ARGFX: variants seen among roughly 807,000 people sequenced by gnomAD.
ARGFX encodes arginine-fifty homeobox.
Under a neutral mutation model 8.0 loss-of-function variants are expected in ARGFX, and 10 were observed. The observed-to-expected ratio is 1.25, with a 90% CI of 0.77 to 2.12. The LOEUF is 2.12. Ranked by LOEUF, ARGFX falls within the 30% of genes most tolerant of loss-of-function variation. The probability of loss-of-function intolerance (pLI) is 0.00; values close to 1 mark genes in which losing one functional copy is unlikely to be tolerated. For synonymous variants in ARGFX, 116 were observed against 117.8 expected, an observed-to-expected ratio of 0.98 and a Z score of 0.10; for missense variants, 282 against 324.3, an observed-to-expected ratio of 0.87 and a Z score of 1.00.
intron 3 of ARGFX, among the ~76,000 whole-genome samples, chr3:121,577,315 G>T (rs567236404): frequency 7.2e-6 from 1 of 139,152 alleles, no homozygotes; most frequent in East Asian, 2.1e-4. Context: ...GTGCAGTGGC[G>T]TGGTCTTGGC....
At chr3:121,571,532 G>A (rs1340017033) in intron 2 of ARGFX, among the ~76,000 whole-genome samples, 1 of 150,748 alleles carries the variant, frequency 6.6e-6, no homozygotes, top group Non-Finnish European at 1.5e-5. Flanking sequence ...AACACTCCAT[G>A]TGCATAAATG....
At chr3:121,572,328 G>A (rs949945200) in intron 2 of ARGFX, among the ~76,000 whole-genome samples, 8 of 144,736 alleles carry the variant, frequency 5.5e-5, no homozygotes, top group African/African-American at 2.1e-4. Context: ...TGCAACCTAC[G>A]CCTCCCAGGA....
rs546174245 is a variant in ARGFX at position 121,570,656 on chromosome 3, T to A, written c.-12-46T>A. ...CTTGAAAACATTGCTATCCAGCGAA[T>A]GAATTCCTCATCAGCATTCCCTATC... On this transcript the variant is annotated intron_variant, in intron 1 of 4. Coordinates refer to ENST00000334384, the MANE Select transcript of ARGFX (RefSeq NM_001012659.2). The A allele has an allele frequency of 1.2e-5, 16 of 1,320,194 alleles. No homozygotes were observed. The East Asian group carries it at 4.0e-4, about 33-fold the overall frequency. 81.8% of individuals were successfully genotyped at this position (1,320,194 alleles called of 1,614,324 possible).
At chr3:121,574,853 G>T (rs2048727448) in intron 2 of ARGFX, among the ~76,000 whole-genome samples, 1 of 152,288 alleles carries the variant, frequency 6.6e-6, no homozygotes, top group East Asian at 1.9e-4. Flanking sequence ...AAAATCCCCA[G>T]CAGAATGGTA....
intron 1 of ARGFX, among the ~76,000 whole-genome samples, chr3:121,568,372 C>T (rs2108832753): frequency 6.6e-6 from 1 of 152,314 alleles, no homozygotes; most frequent in East Asian, 1.9e-4. Context: ...ATCCACAGAC[C>T]TATGTAAGTG....
chr3:121,572,272 G>A (rs2048713944), intron 2 of ARGFX, among the ~76,000 whole-genome samples: 2 of 128,648 alleles, frequency 1.6e-5, no homozygotes, highest in South Asian at 2.4e-4. Flanking sequence ...ACGGAGTTTC[G>A]CTCTTGTTGC....
intron 4 of ARGFX, among the ~76,000 whole-genome samples, chr3:121,585,588 C>CGG (rs1187857244): frequency 6.6e-6 from 1 of 152,102 alleles, no homozygotes; most frequent in African/African-American, 2.4e-5. Flanking sequence ...GATCCTCTCA[C>CGG]CTCAGACTCT....
chr3:121,584,204 G>GAGGAAGGA (rs749567796), intron 3 of ARGFX, among the ~76,000 whole-genome samples: 3,807 of 103,998 alleles, frequency 0.037, 129 homozygotes, highest in East Asian at 0.11. Flanking sequence ...GACAGAGAGA[G>GAGGAAGGA]AGGAAGGAAG....
At chr3:121,577,236 T>TATATATATATCTACATGTAC (rs2048744642) in intron 3 of ARGFX, among the ~76,000 whole-genome samples, 2 of 61,028 alleles carry the variant, frequency 3.3e-5, no homozygotes, top group Non-Finnish European at 6.1e-5. Context: ...CATATATATA[T>TATATATATATCTACATGTAC]ATATATATAT....
chr3:121,582,798 T>C (rs2048787438), intron 3 of ARGFX, among the ~76,000 whole-genome samples: 1 of 152,060 alleles, frequency 6.6e-6, no homozygotes, highest in Non-Finnish European at 1.5e-5. Flanking sequence ...CTTGATCTCC[T>C]GGGTTAAAGT....
intron 3 of ARGFX, among the ~76,000 whole-genome samples, chr3:121,579,945 C>CT (rs1174620508): frequency 0.067 from 6,092 of 90,592 alleles, 751 homozygotes; most frequent in South Asian, 0.1. Flanking sequence ...CTTTTCTTTT[C>CT]TTTTTTTTTT....
chr3:121,581,058 C>T (rs565713453), intron 3 of ARGFX, among the ~76,000 whole-genome samples: 1 of 152,102 alleles, frequency 6.6e-6, no homozygotes, highest in Non-Finnish European at 1.5e-5. Context: ...TCACTGCAAC[C>T]TCTGCCTCCC....
At chr3:121,572,344 C>T (rs574351627) in intron 2 of ARGFX, among the ~76,000 whole-genome samples, 11 of 150,058 alleles carry the variant, frequency 7.3e-5, no homozygotes, top group Non-Finnish European at 1.0e-4. Context: ...CAGGATCAAG[C>T]GATTCTCCTG....
intron 2 of ARGFX, among the ~76,000 whole-genome samples, chr3:121,576,223 G>C (rs1195282170): frequency 6.6e-6 from 1 of 151,864 alleles, no homozygotes; most frequent in African/African-American, 2.4e-5. Flanking sequence ...AATTACTGAT[G>C]TCATCAACAG....
chr3:121,576,121 C>T (rs180849280), intron 2 of ARGFX, among the ~76,000 whole-genome samples: 2,159 of 149,400 alleles, frequency 0.014, 27 homozygotes, highest in Non-Finnish European at 0.021. Context: ...TTTTTTTTTT[C>T]CTTTTTGTGG....
Position 121,588,500 on chromosome 3 carries a change from A to C in ARGFX, c.*1900A>C, listed in dbSNP as rs2048826881. Among the ~76,000 whole-genome samples the C allele has an allele frequency of 1.3e-5, 2 of 151,234 alleles. No homozygotes were observed. The highest frequency in any genetic ancestry group is 1.5e-5 in the Non-Finnish European group (1 of 67,600). On this transcript the variant is annotated 3_prime_UTR_variant, in exon 5 of 5. Transcript: ENST00000334384. Reference sequence around the variant, plus strand: ...CTCAAAAAAAAAATAAAAAATAAAAAATAAAAAATAAAAGAAACATAAGAT... The same window carrying C: ...CTCAAAAAAAAAATAAAAAATAAAACATAAAAAATAAAAGAAACATAAGAT...
intron 3 of ARGFX, among the ~76,000 whole-genome samples, 181 bp downstream of exon 3, chr3:121,577,081 C>A (rs2048742867): frequency 6.6e-6 from 1 of 151,214 alleles, no homozygotes; most frequent in Non-Finnish European, 1.5e-5. Context: ...TCTATCTCCT[C>A]TCTGAGGTTG....
At position 121,586,703 on chromosome 3, in the gene ARGFX, T is replaced by C; in HGVS notation, c.*103T>C. The C allele has an allele frequency of 4.1e-6, 4 of 980,310 alleles. No individual in the cohort carries two copies. Among genetic ancestry groups the C allele is most frequent in the Non-Finnish European group, 5.9e-6 (4 of 675,072 alleles). The allele number at this position is 980,310 out of a possible 1,614,324, so 60.7% of individuals were successfully genotyped here. ...CTCATTTTAACCCAACATCTGGGTC[T>C]GTGTCTCTGATTTCCATGTAAATGT... On this transcript the variant is annotated 3_prime_UTR_variant, in exon 5 of 5. Transcript: ENST00000334384.
chr3:121,576,928 G>C (rs1020334464), intron 3 of ARGFX, 28 bp downstream of exon 3: 1 of 281,140 alleles, frequency 3.6e-6, no homozygotes. Flanking sequence ...CTCTTTTGTA[G>C]AGACGAGATT....
Sources: allele counts gnomAD v4.1 joint callset (sites outside exome capture counted in the v4.1 genomes callset), GRCh38; gene constraint gnomAD v4.1.1; transcripts MANE v1.5; gene names NCBI Gene and HGNC (gene_info 2026-07-23, HGNC 2026-07-21).